Variants in MPP7 observed in about 807,000 individuals in gnomAD.
MPP7 encodes MAGUK p55 scaffold protein 7, also known as MAGUK p55 subfamily member 7.
In MPP7, 60 loss-of-function variants were observed where a neutral mutation model predicts 76.5. The observed-to-expected ratio is 0.78, with a 90% CI of 0.64 to 0.97. The LOEUF (loss-of-function observed/expected upper bound fraction) is 0.97. MPP7 is among the 50% of genes least tolerant of loss of function. The pLI, the probability that MPP7 is intolerant of heterozygous loss-of-function variation, is 0.00. For missense variants in MPP7, 641 were observed against 694.0 expected (o/e 0.92, Z 0.86); for synonymous variants, 237 against 244.5 (o/e 0.97, Z 0.29).
At chr10:28,241,305 A>T (rs1184251709) in intron 1 of MPP7, among the ~76,000 whole-genome samples, 1 of 152,166 alleles carries the variant, frequency 6.6e-6, no homozygotes, top group Admixed American at 6.6e-5. Context: ...CATAATGAAC[A>T]CTCAAGGTTA....
At chr10:28,307,529 G>T (rs189195672), upstream of MPP7, 1 of 152,196 alleles carries the variant, frequency 6.6e-6, no homozygotes, top group Admixed American at 6.5e-5. Context: ...GGCAAACCTC[G>T]ATCTGCCACC....
At chr10:28,097,991 T>C (rs528884862) in intron 11 of MPP7, among the ~76,000 whole-genome samples, 1 of 152,352 alleles carries the variant, frequency 6.6e-6, no homozygotes, top group Non-Finnish European at 1.5e-5. Context: ...ATTTGGTCAC[T>C]TTCAAAGCTA....
At chr10:28,078,599 A>G (rs1292566002) in intron 12 of MPP7, among the ~76,000 whole-genome samples, 1 of 152,216 alleles carries the variant, frequency 6.6e-6, no homozygotes, top group East Asian at 1.9e-4. Flanking sequence ...AAATGTAAGT[A>G]AGTATTTATC....
At chr10:28,189,627 TAA>T (rs1837347856) in intron 3 of MPP7, among the ~76,000 whole-genome samples, 1 of 122,746 alleles carries the variant, frequency 8.1e-6, no homozygotes, top group Non-Finnish European at 1.7e-5. Flanking sequence ...TGTGTGTTGC[TAA>T]CTGTAGGGCA....
At chr10:28,250,195 A>G (rs192926039) in intron 1 of MPP7, among the ~76,000 whole-genome samples, 5 of 152,266 alleles carry the variant, frequency 3.3e-5, no homozygotes, top group Non-Finnish European at 5.9e-5. Context: ...TTTTGGAGAG[A>G]TGCTCAATAG....
chr10:28,193,508 G>A (rs979303369), intron 3 of MPP7, among the ~76,000 whole-genome samples: 3 of 152,166 alleles, frequency 2.0e-5, no homozygotes, highest in Admixed American at 1.3e-4. Context: ...ACCATGACTG[G>A]CCTGACAATG....
chr10:28,120,659 G>T lies in MPP7; in HGVS notation c.625C>A (p.Gln209Lys). Residue 209 changes from glutamine (Q) to lysine (K), a missense_variant, in exon 9 of 17, where the codon CAG becomes AAG. Transcript: ENST00000683449. The part of the protein sequence containing the change: ...EEIIQILAQS[Q>K]GAITFKIIPG... The stretch of plus-strand genomic sequence containing the variant: ...ATAATCTTAAATGTAATTGCTCCCT[G>T]AGACTGAGCCTGGTAACAGATAAAA... 1 of 1,613,334 alleles carries T rather than the reference G, an allele frequency of 6.2e-7. No homozygotes were observed. Among genetic ancestry groups the T allele is most frequent in the Non-Finnish European group, 8.5e-7 (1 of 1,179,522 alleles).
intron 2 of MPP7, among the ~76,000 whole-genome samples, chr10:28,326,119 T>A (rs1199062812): frequency 6.6e-6 from 1 of 152,194 alleles, no homozygotes; most frequent in Non-Finnish European, 1.5e-5. Flanking sequence ...GGTTACCCTA[T>A]TCTGGAGCTG....
chr10:28,143,945 C>T (rs953043212), intron 5 of MPP7, among the ~76,000 whole-genome samples: 8 of 151,228 alleles, frequency 5.3e-5, no homozygotes, highest in Non-Finnish European at 7.4e-5. Flanking sequence ...AGTGAAGCGG[C>T]GTGATCTTAG....
chr10:28,310,015 T>TC (rs1316125535), intron 2 of MPP7, among the ~76,000 whole-genome samples: 1 of 135,638 alleles, frequency 7.4e-6, no homozygotes, highest in Non-Finnish European at 1.6e-5. Flanking sequence ...TTTTTTTTTT[T>TC]TTTTTAAACG....
intron 12 of MPP7, among the ~76,000 whole-genome samples, chr10:28,074,213 G>T (rs1004681077): frequency 6.6e-6 from 1 of 151,934 alleles, no homozygotes; most frequent in African/African-American, 2.4e-5. Context: ...AGAAAACATA[G>T]AGGCCAACAC....
At chr10:28,197,582 G>A (rs1298667757) in intron 3 of MPP7, among the ~76,000 whole-genome samples, 2 of 152,080 alleles carry the variant, frequency 1.3e-5, no homozygotes, top group Non-Finnish European at 2.9e-5. Context: ...GAGGTACCTT[G>A]TGTCTCTCCT....
At chr10:28,166,845 T>A (rs927753185) in intron 3 of MPP7, among the ~76,000 whole-genome samples, 1 of 152,232 alleles carries the variant, frequency 6.6e-6, no homozygotes, top group African/African-American at 2.4e-5. Flanking sequence ...CACTTGCTTT[T>A]TTCCCCCTTC....
intron 3 of MPP7, among the ~76,000 whole-genome samples, chr10:28,174,264 C>G (rs969246699): frequency 6.6e-6 from 1 of 152,170 alleles, no homozygotes; most frequent in Non-Finnish European, 1.5e-5. Context: ...TTTGGCCCCA[C>G]TAAGTCTCAT....
At chr10:28,169,536 C>G (rs1381892707) in intron 3 of MPP7, among the ~76,000 whole-genome samples, 1 of 152,102 alleles carries the variant, frequency 6.6e-6, no homozygotes, top group Non-Finnish European at 1.5e-5. Context: ...ATAATTAATA[C>G]ACGTTAGATA....
intron 2 of MPP7, among the ~76,000 whole-genome samples, chr10:28,227,200 T>C (rs1838721322): frequency 1.3e-5 from 2 of 152,226 alleles, no homozygotes; most frequent in South Asian, 2.1e-4. Flanking sequence ...TACAAGGAAG[T>C]ACATTACTCC....
intron 14 of MPP7, 122 bp downstream of exon 14, chr10:28,059,528 T>C: frequency 1.6e-6 from 1 of 611,878 alleles, no homozygotes; most frequent in Non-Finnish European, 2.8e-6. Context: ...TTTCATCTGT[T>C]TCAAATATTA....
intron 1 of MPP7, among the ~76,000 whole-genome samples, chr10:28,287,470 G>C (rs968110970): frequency 2.0e-5 from 3 of 152,200 alleles, no homozygotes; most frequent in Non-Finnish European, 4.4e-5. Flanking sequence ...AGCCATATGA[G>C]TGAATGTTTC....
At chr10:28,170,961 A>G (rs1836660355) in intron 3 of MPP7, among the ~76,000 whole-genome samples, 1 of 152,216 alleles carries the variant, frequency 6.6e-6, no homozygotes, top group Non-Finnish European at 1.5e-5. Context: ...ATATCATATA[A>G]TAGTTACATA....
Sources: allele counts gnomAD v4.1 joint callset (sites outside exome capture counted in the v4.1 genomes callset), GRCh38; gene constraint gnomAD v4.1.1; transcripts MANE v1.5; gene names NCBI Gene and HGNC (gene_info 2026-07-23, HGNC 2026-07-21).